The following KIAA1217 variants were observed in gnomAD, a reference collection of about 807,000 sequenced individuals.
KIAA1217 encodes the protein sickle tail protein homolog.
In KIAA1217, 88 loss-of-function variants were observed where a neutral mutation model predicts 163.9. The ratio of observed to expected loss-of-function variants is 0.54; its 90% CI spans 0.45 to 0.64. The LOEUF is 0.64. KIAA1217 is among the 30% of genes least tolerant of loss of function. The pLI is 0.00. For synonymous variants in KIAA1217, 903 were observed against 923.1 expected (o/e 0.98, Z 0.39); for missense variants, 2,372 against 2,475.0 (o/e 0.96, Z 0.88).
intron 2 of KIAA1217, chr10:24,368,835 AG>A: frequency 1.0e-6 from 1 of 984,132 alleles, no homozygotes; most frequent in Non-Finnish European, 1.2e-6. Context: ...GAGTAACACC[AG>A]CTTACTACCT....
chr10:23,834,740 G>A (rs974347903), intron 1 of KIAA1217, among the ~76,000 whole-genome samples: 3 of 150,516 alleles, frequency 2.0e-5, no homozygotes, highest in Admixed American at 6.6e-5. Flanking sequence ...ATTGCATGTG[G>A]GTTATGATAG....
chr10:24,388,470 A>C (rs2054339732), intron 3 of KIAA1217, among the ~76,000 whole-genome samples: 1 of 152,234 alleles, frequency 6.6e-6, no homozygotes, highest in South Asian at 2.1e-4. Context: ...AAGAAAACCT[A>C]GGCAATACCA....
intron 1 of KIAA1217, among the ~76,000 whole-genome samples, chr10:24,215,998 C>T (rs2068766993): frequency 6.6e-6 from 1 of 152,170 alleles, no homozygotes; most frequent in Non-Finnish European, 1.5e-5. Flanking sequence ...TGTACCTTTC[C>T]TCTAAATCGC....
At chr10:23,966,216 C>T (rs778011546) in intron 1 of KIAA1217, among the ~76,000 whole-genome samples, 82 of 152,152 alleles carry the variant, frequency 5.4e-4, no homozygotes, top group Non-Finnish European at 8.5e-4. Flanking sequence ...CCTGAGATCA[C>T]GCTGACTGAT....
intron 1 of KIAA1217, among the ~76,000 whole-genome samples, chr10:23,747,892 G>A (rs968618048): frequency 6.6e-6 from 1 of 152,148 alleles, no homozygotes; most frequent in African/African-American, 2.4e-5. Flanking sequence ...CTAGACCTGG[G>A]CTGTTTTGCA....
intron 2 of KIAA1217, among the ~76,000 whole-genome samples, chr10:24,021,856 T>C (rs1847747110): frequency 7.0e-6 from 1 of 143,582 alleles, no homozygotes; most frequent in Non-Finnish European, 1.5e-5. Context: ...GAAGAAAGAT[T>C]AGCCTTTTCA....
At chr10:24,524,272 C>T in intron 12 of KIAA1217, 51 bp from the exon 13 acceptor site, 1 of 1,555,992 alleles carries the variant, frequency 6.4e-7, no homozygotes, top group Non-Finnish European at 8.8e-7. Context: ...AAGTATACCA[C>T]CATGAGAAAG....
At chr10:23,751,549 C>G (rs1839740240) in intron 1 of KIAA1217, among the ~76,000 whole-genome samples, 2 of 151,626 alleles carry the variant, frequency 1.3e-5, no homozygotes, top group Admixed American at 1.3e-4. Flanking sequence ...TTTTAAGATG[C>G]CATTTCTCCA....
At chr10:24,391,329 CTTTCTTTTTTTTTTTT>C (rs1410273060) in intron 3 of KIAA1217, among the ~76,000 whole-genome samples, 1 of 87,854 alleles carries the variant, frequency 1.1e-5, no homozygotes, top group African/African-American at 4.7e-5. Flanking sequence ...TTCTTTCTTT[CTTTCTTTTTTTTTTTT>C]TTTTTTTTTT....
chr10:24,503,797 G>T lies in KIAA1217; in HGVS notation c.2001+2252G>T, dbSNP rs201020371. Among the ~76,000 whole-genome samples the T allele has an allele frequency of 4.6e-5, 7 of 152,330 alleles. No individual in the cohort carries two copies. In the East Asian group the frequency reaches 1.2e-3, roughly 25 times the overall value. On this transcript the variant is annotated intron_variant, in intron 9 of 20. Coordinates refer to ENST00000376454, the MANE Select transcript of KIAA1217 (RefSeq NM_019590.5). ...CTTACCTGGGGCTCCTGGAGGTCAA[G>T]CCCTTCCCTTCACTGCTCCTGCCTT... is the stretch of plus-strand genomic sequence containing the variant.
At chr10:24,222,431 G>A (rs760766369) in intron 2 of KIAA1217, among the ~76,000 whole-genome samples, 1 of 152,150 alleles carries the variant, frequency 6.6e-6, no homozygotes, top group Non-Finnish European at 1.5e-5. Context: ...AGGGTTCTTG[G>A]GTCTCGCACA....
At chr10:23,856,715 C>T (rs1309186669) in intron 1 of KIAA1217, among the ~76,000 whole-genome samples, 3 of 152,258 alleles carry the variant, frequency 2.0e-5, no homozygotes, top group Non-Finnish European at 2.9e-5. Context: ...TGGGCAATGG[C>T]AGGCGCCCCT....
At chr10:23,857,777 T>C (rs966793496) in intron 1 of KIAA1217, among the ~76,000 whole-genome samples, 1 of 151,600 alleles carries the variant, frequency 6.6e-6, no homozygotes, top group Non-Finnish European at 1.5e-5. Context: ...TCAGCTATAA[T>C]ATATTAGAAG....
chr10:23,818,002 TATATATAC>T lies in KIAA1217; in HGVS notation c.-321+122770_-321+122777del, dbSNP rs1484077671. 8.0e-4 allele frequency among the ~76,000 whole-genome samples: 83 copies of T among 103,704 alleles called. 1 individual carries two copies. Among genetic ancestry groups the T allele is most frequent in the South Asian group, 7.7e-3 (25 of 3,246 alleles). The allele number at this position is 103,704 out of a possible 152,430, so 68.0% of individuals were successfully genotyped here. ...ATATATATATATATATATATATATA[TATATATAC>T]ACACATATATATACACACATATATA... On this transcript the variant is annotated intron_variant, in intron 1 of 18. Transcript: ENST00000376462.
At position 24,089,154 on chromosome 10, in the gene KIAA1217, C is replaced by G. The variant is rs1156284995; in HGVS notation, c.-171+81780C>G. ...TGCTGATGGGGTTGTTTGTTTTTTT[C>G]TTGTAAATTTGTTTGTGTTCTTTGT... On this transcript the variant is annotated intron_variant, in intron 2 of 18. Transcript: ENST00000376462. Among the ~76,000 whole-genome samples the G allele has an allele frequency of 8.9e-5, 11 of 124,256 alleles. 3 individuals are homozygous for G. The highest frequency in any genetic ancestry group is 2.2e-4 in the Non-Finnish European group (11 of 50,376). The allele number at this position is 124,256 out of a possible 152,430, so 81.5% of individuals were successfully genotyped here.
chr10:23,907,315 T>G (rs573020916), intron 1 of KIAA1217, among the ~76,000 whole-genome samples: 1 of 151,672 alleles, frequency 6.6e-6, no homozygotes, highest in Admixed American at 6.6e-5. Context: ...TGTGTGTGTG[T>G]GTGTATGAGA....
chr10:24,531,568 T>C (rs781319154), intron 14 of KIAA1217, among the ~76,000 whole-genome samples: 9 of 152,170 alleles, frequency 5.9e-5, no homozygotes, highest in Admixed American at 2.6e-4. Context: ...ATTCAATCCT[T>C]ATGACACCCC....
At chr10:24,467,728 A>G (rs1354974464) in intron 5 of KIAA1217, among the ~76,000 whole-genome samples, 4 of 152,146 alleles carry the variant, frequency 2.6e-5, no homozygotes, top group African/African-American at 9.7e-5. Flanking sequence ...GATTAGTAGC[A>G]TCAGAGAGAT....
chr10:23,886,333 T>A (rs1841173452), intron 1 of KIAA1217, among the ~76,000 whole-genome samples: 1 of 151,976 alleles, frequency 6.6e-6, no homozygotes, highest in South Asian at 2.1e-4. Flanking sequence ...TGTCTCATGT[T>A]CATTCAAAAG....
Sources: allele counts gnomAD v4.1 joint callset (sites outside exome capture counted in the v4.1 genomes callset), GRCh38; gene constraint gnomAD v4.1.1; transcripts MANE v1.5; gene names NCBI Gene and HGNC (gene_info 2026-07-23, HGNC 2026-07-21).